ACKR2: variants seen among roughly 807,000 people sequenced by gnomAD.
ACKR2 encodes the protein C-C chemokine receptor D6.
For synonymous variants in ACKR2, 207 were observed against 192.2 expected (o/e 1.08, Z -0.64); for missense variants, 457 against 477.3 (o/e 0.96, Z 0.40).
chr3:42,820,881 TAGTTTTTTTTTTTTTTTCTTTGAGATGG>T (rs1431716035), intron 2 of ACKR2, among the ~76,000 whole-genome samples: 1 of 143,172 alleles, frequency 7.0e-6, no homozygotes, highest in Admixed American at 8.0e-5. Context: ...AGTTCATCAA[TAGTTTTTTTTTTTTTTTCTTTGAGATGG>T]AGTCTCACAC....
rs562806138 is a variant in ACKR2, at chr3:42,827,405, A to C, written c.-38+7694A>C. 2.0e-5 allele frequency among the ~76,000 whole-genome samples: 3 copies of C among 152,330 alleles called. No individual in the cohort carries two copies. The South Asian group carries it at 6.2e-4, about 32-fold the overall frequency. ...TGTATTATAACTTTTATTCCAATTC[A>C]GTCTTTCTAAATTCTGATGTTATGG... On this transcript the variant is annotated intron_variant, in intron 2 of 2. Transcript: ENST00000422265.
At chr3:42,856,481 G>A in intron 2 of ACKR2, 2 of 695,054 alleles carry the variant, frequency 2.9e-6, no homozygotes, top group Non-Finnish European at 2.6e-6. Context: ...CCTGAAAAAA[G>A]GGGATAAAAC....
rs565028940 is a variant in ACKR2 at position 42,860,164 on chromosome 3, C to CAAAA, written c.-37-4280_-37-4277dup. ...GAATATTTATCAAGCAAATGGAAAG[C>CAAAA]AAAAAAAAAAAAAAAAAAAAAAAAA... On this transcript the variant is annotated intron_variant, in intron 2 of 2. Coordinates refer to ENST00000422265, the MANE Select transcript of ACKR2 (RefSeq NM_001296.5). 0.012 allele frequency among the ~76,000 whole-genome samples: 93 copies of CAAAA among 8,052 alleles called. 28 individuals carry two copies. In the South Asian group the frequency reaches 0.16, roughly 14 times the overall value. 5.3% of individuals were successfully genotyped at this position (8,052 alleles called of 152,430 possible). A position where few individuals can be genotyped will look rare whatever the true frequency, so the allele number is the denominator to read the frequency against.
intron 1 of ACKR2, among the ~76,000 whole-genome samples, chr3:42,811,433 G>A (rs1700693144): frequency 1.3e-5 from 2 of 152,186 alleles, no homozygotes; most frequent in Admixed American, 6.5e-5. Flanking sequence ...CTTGGTAAAA[G>A]TCATCGCCAT....
chr3:42,826,146 A>G (rs1284002956), intron 2 of ACKR2, among the ~76,000 whole-genome samples: 1 of 151,924 alleles, frequency 6.6e-6, no homozygotes, highest in Non-Finnish European at 1.5e-5. Context: ...GGTTGTTAGT[A>G]TGTTGTTTAG....
At chr3:42,842,143 G>A (rs1701045241) in intron 2 of ACKR2, among the ~76,000 whole-genome samples, 1 of 152,160 alleles carries the variant, frequency 6.6e-6, no homozygotes, top group African/African-American at 2.4e-5. Context: ...AGGCCTTTCT[G>A]GGCATTAGAA....
chr3:42,828,729 CAG>C lies in ACKR2; in HGVS notation c.-38+9019_-38+9020del, dbSNP rs5848632. On this transcript the variant is annotated intron_variant, in intron 2 of 2. Transcript: ENST00000422265. ...AAGACTGATGATTTGGGGGGCTAAT[CAG>C]GGGATTCTTTTCAAGAATACAGTGT... 3.1e-3 allele frequency among the ~76,000 whole-genome samples: 468 copies of C among 152,244 alleles called. 3 individuals are homozygous for C. The highest frequency in any genetic ancestry group is 0.011 in the African/African-American group (442 of 41,544).
intron 2 of ACKR2, among the ~76,000 whole-genome samples, chr3:42,826,642 A>G (rs1700868284): frequency 6.6e-6 from 1 of 152,002 alleles, no homozygotes; most frequent in South Asian, 2.1e-4. Flanking sequence ...TTAGTCAATT[A>G]GTTAAAAGTT....
intron 2 of ACKR2, chr3:42,851,549 A>T: frequency 2.0e-6 from 1 of 510,054 alleles, no homozygotes; most frequent in Non-Finnish European, 2.5e-6. Context: ...GAGTGGGCAC[A>T]GGTGCTGGGA....
At chr3:42,851,335 G>A (rs910707687) in intron 2 of ACKR2, 13 of 984,686 alleles carry the variant, frequency 1.3e-5, no homozygotes, top group African/African-American at 1.7e-5. Context: ...CCAGAGAGGG[G>A]ATGAGCGCAT....
intron 2 of ACKR2, among the ~76,000 whole-genome samples, chr3:42,830,054 A>G (rs1346860047): frequency 6.6e-6 from 1 of 152,188 alleles, no homozygotes; most frequent in Non-Finnish European, 1.5e-5. Flanking sequence ...CTTGTTTTCA[A>G]TACCCTCTTT....
intron 2 of ACKR2, among the ~76,000 whole-genome samples, chr3:42,845,591 T>C (rs2125615738): frequency 6.6e-6 from 1 of 152,246 alleles, no homozygotes; most frequent in Admixed American, 6.5e-5. Flanking sequence ...CTTGAACTCC[T>C]GACCTCAGGT....
At chr3:42,843,655 A>C (rs2125614830) in intron 2 of ACKR2, among the ~76,000 whole-genome samples, 1 of 152,290 alleles carries the variant, frequency 6.6e-6, no homozygotes, top group South Asian at 2.1e-4. Flanking sequence ...CTGGGTGGCT[A>C]ACTGAGATGG....
chr3:42,866,785 A>T lies in ACKR2; in HGVS notation c.*1128A>T, dbSNP rs1358864134. The T allele has an allele frequency of 6.0e-6, 1 of 167,064 alleles. No homozygotes were observed. 10.3% of individuals were successfully genotyped at this position (167,064 alleles called of 1,614,324 possible). On this transcript the variant is annotated 3_prime_UTR_variant, in exon 3 of 3. Transcript: ENST00000422265. ...CAGATTCACTCCATAAAATACAGAG[A>T]GTGCTGCAATGAGCTGGGTAGAAGA...
At chr3:42,862,656 A>G (rs1022821726) in intron 2 of ACKR2, among the ~76,000 whole-genome samples, 2 of 152,236 alleles carry the variant, frequency 1.3e-5, no homozygotes, top group Non-Finnish European at 2.9e-5. Flanking sequence ...TGCTACCAAA[A>G]CAGATATATA....
chr3:42,816,009 T>G (rs1212717943), intron 1 of ACKR2, among the ~76,000 whole-genome samples: 1 of 152,146 alleles, frequency 6.6e-6, no homozygotes, highest in East Asian at 1.9e-4. Flanking sequence ...GTTTCTTCAT[T>G]TGTACAATAA....
intron 1 of ACKR2, among the ~76,000 whole-genome samples, chr3:42,817,074 A>G (rs948387496): frequency 2.0e-5 from 3 of 152,132 alleles, no homozygotes; most frequent in Non-Finnish European, 4.4e-5. Context: ...CATCAACACA[A>G]TGGGGATACT....
rs538039681 is a variant in ACKR2, at chr3:42,824,238, T to C, written c.-38+4527T>C. Among the ~76,000 whole-genome samples the C allele has an allele frequency of 3.3e-3, 503 of 152,304 alleles. 1 individual carries two copies. The highest frequency in any genetic ancestry group is 5.9e-3 in the Non-Finnish European group (401 of 68,022). On this transcript the variant is annotated intron_variant, in intron 2 of 2. Coordinates refer to ENST00000422265, the MANE Select transcript of ACKR2 (RefSeq NM_001296.5). ...TATAATGTAAATGCTATGTAAATAG[T>C]TGTTATACTGTATTTTAAAAAATTT...
intron 2 of ACKR2, among the ~76,000 whole-genome samples, chr3:42,823,458 C>A (rs1349613890): frequency 6.6e-6 from 1 of 152,218 alleles, no homozygotes; most frequent in Admixed American, 6.5e-5. Context: ...GTGTCTCTCT[C>A]CTGTGTAGCC....
Sources: allele counts gnomAD v4.1 joint callset (sites outside exome capture counted in the v4.1 genomes callset), GRCh38; gene constraint gnomAD v4.1.1; transcripts MANE v1.5; gene names NCBI Gene and HGNC (gene_info 2026-07-23, HGNC 2026-07-21).